SLC17A1: variants seen among roughly 807,000 people sequenced by gnomAD.
SLC17A1 encodes sodium-dependent phosphate transport protein 1.
Under a neutral mutation model 53.5 loss-of-function variants are expected in SLC17A1, and 51 were observed. That is an observed-to-expected ratio of 0.95 (90% CI 0.76 to 1.20). SLC17A1 has a LOEUF of 1.20. Ranked by LOEUF, SLC17A1 falls within the 50% of genes most tolerant of loss-of-function variation. The pLI, the probability that SLC17A1 is intolerant of heterozygous loss-of-function variation, is 0.00. For missense variants in SLC17A1, 538 were observed against 568.2 expected, an observed-to-expected ratio of 0.95 and a Z score of 0.54; for synonymous variants, 179 against 198.8, an observed-to-expected ratio of 0.90 and a Z score of 0.84.
At chr6:25,727,710 T>TAGAC in the SLC17A1 span, among the ~76,000 whole-genome samples, 1 of 151,888 alleles carries the variant, frequency 6.6e-6, no homozygotes, top group Non-Finnish European at 1.5e-5. Flanking sequence ...GGGCCGAGGG[T>TAGAC]AGACGAACTA....
At chr6:25,786,434 AAG>A (rs1412827021) in intron 12 of SLC17A1, among the ~76,000 whole-genome samples, 1 of 152,154 alleles carries the variant, frequency 6.6e-6, no homozygotes, top group African/African-American at 2.4e-5. Flanking sequence ...TGAAGTGGAC[AAG>A]ACCTCTCCAT....
intron 3 of SLC17A1, among the ~76,000 whole-genome samples, chr6:25,820,231 A>G (rs1764506256): frequency 6.6e-6 from 1 of 152,222 alleles, no homozygotes; most frequent in Non-Finnish European, 1.5e-5. Context: ...CCTCCTGTGT[A>G]GCATACATAC....
At chr6:25,808,827 A>G (rs552286465) in intron 10 of SLC17A1, among the ~76,000 whole-genome samples, 1 of 152,092 alleles carries the variant, frequency 6.6e-6, no homozygotes, top group Admixed American at 6.6e-5. Context: ...TACAACCTCT[A>G]TGGAAAACAG....
At chr6:25,739,214 C>G in the SLC17A1 span, among the ~76,000 whole-genome samples, 2 of 152,182 alleles carry the variant, frequency 1.3e-5, no homozygotes, top group Non-Finnish European at 2.9e-5. Context: ...GGGAACTCTT[C>G]TTGGTTTGTG....
At chr6:25,769,318 A>AT in the SLC17A1 span, 3 of 875,584 alleles carry the variant, frequency 3.4e-6, no homozygotes, top group East Asian at 2.7e-5. Context: ...GGAATGGCAC[A>AT]AGTACCTAAG....
rs72542431 is a variant in SLC17A1, at chr6:25,831,055, CT to C, written c.-50-449del. On this transcript the variant is annotated intron_variant, in intron 1 of 12. Transcript: ENST00000244527. ...GGTAAAACAAATTCCTTTTTTCCCC[CT>C]GTATCTTAATAGAGCTGGAAGATAC... Among the ~76,000 whole-genome samples, 897 of 152,194 alleles carry C rather than the reference CT, an allele frequency of 5.9e-3. 8 individuals are homozygous for C. Among genetic ancestry groups the C allele is most frequent in the African/African-American group, 0.021 (864 of 41,520 alleles).
intron 12 of SLC17A1, 197 bp downstream of exon 12, chr6:25,798,586 A>T (rs1311254071): frequency 2.4e-6 from 1 of 423,648 alleles, no homozygotes; most frequent in Non-Finnish European, 4.0e-6. Context: ...CAGCCTCCCA[A>T]ATTTATATCT....
chr6:25,758,728 T>C, the SLC17A1 span, among the ~76,000 whole-genome samples: 1 of 88,320 alleles, frequency 1.1e-5, no homozygotes, highest in Non-Finnish European at 2.6e-5. Context: ...TTATTTATCT[T>C]TTCAAAGAAC....
chr6:25,784,428 G>T (rs1161699272), intron 12 of SLC17A1, among the ~76,000 whole-genome samples: 1 of 152,144 alleles, frequency 6.6e-6, no homozygotes, highest in African/African-American at 2.4e-5. Flanking sequence ...AATCATGGCA[G>T]AAGGTGAAAG....
At chr6:25,805,140 A>G (rs1399219106) in intron 10 of SLC17A1, among the ~76,000 whole-genome samples, 1 of 152,100 alleles carries the variant, frequency 6.6e-6, no homozygotes, top group Non-Finnish European at 1.5e-5. Context: ...GGCCACAAAA[A>G]AGTCTCAACA....
chr6:25,807,352 G>A (rs1367807206), intron 10 of SLC17A1, among the ~76,000 whole-genome samples: 1 of 152,128 alleles, frequency 6.6e-6, no homozygotes, highest in East Asian at 1.9e-4. Context: ...ATACCACTCA[G>A]CCATTAAAAA....
At chr6:25,800,738 G>A in intron 11 of SLC17A1, 152 bp downstream of exon 11, 1 of 587,930 alleles carries the variant, frequency 1.7e-6, no homozygotes, top group Non-Finnish European at 3.1e-6. Flanking sequence ...TAGATTTGGA[G>A]AGATGCCTGA....
the SLC17A1 span, chr6:25,754,553 C>A: frequency 6.6e-6 from 1 of 152,186 alleles, no homozygotes; most frequent in Admixed American, 6.5e-5. Context: ...TAGGTGACCT[C>A]AGCTGGGCTT....
At chr6:25,806,033 C>T (rs1763941566) in intron 10 of SLC17A1, among the ~76,000 whole-genome samples, 1 of 152,032 alleles carries the variant, frequency 6.6e-6, no homozygotes, top group Non-Finnish European at 1.5e-5. Context: ...TCTATGAAGC[C>T]AGTATCACCC....
At chr6:25,734,944 C>T in the SLC17A1 span, among the ~76,000 whole-genome samples, 1 of 152,106 alleles carries the variant, frequency 6.6e-6, no homozygotes, top group East Asian at 1.9e-4. Flanking sequence ...AGGGCAATGC[C>T]CCACAATTAA....
Position 25,798,902 on chromosome 6 carries a change from C to T in SLC17A1, c.1287G>A (p.Trp429Ter), listed in dbSNP as rs778242278. The T allele has an allele frequency of 4.4e-6, 7 of 1,590,172 alleles. 1 individual carries two copies. In the South Asian group the frequency reaches 8.0e-5, roughly 18 times the overall value. The change falls in exon 12 of 13, where the codon TGG becomes TGA. Residue 429 changes from tryptophan to a stop codon, truncating the protein, a stop_gained. Transcript: ENST00000244527. LOFTEE classifies it high-confidence loss of function. ...CTGCCATCAGGATGAAGGTTTTAAA[C>T]CAGGCGGATTCCGGATCCTAAGGAA... ...LILKQDPESA[W>*]FKTFILMAAI...
rs1764750785 is a variant in SLC17A1, at chr6:25,826,589, G to T, written c.79C>A (p.His27Asn). The T allele has an allele frequency of 6.2e-7, 1 of 1,601,722 alleles. No individual in the cohort carries two copies. Among genetic ancestry groups the T allele is most frequent in the Non-Finnish European group, 8.5e-7 (1 of 1,173,326 alleles). ...SFRYGLSFLV[H>N]CCNVIITAQR... ...GCTGTTATTATAACATTACAACAGT[G>T]CACAAGGAAAGACAATCCATAGCGA... Residue 27 changes from histidine (H) to asparagine (N), a missense_variant, in exon 3 of 13, where the codon CAC (histidine) becomes AAC (asparagine). By Grantham distance (68) the His-to-Asn change is moderately conservative (BLOSUM62 1). Transcript: ENST00000244527.
intron 6 of SLC17A1, among the ~76,000 whole-genome samples, chr6:25,815,044 T>G (rs527901303): frequency 2.7e-5 from 4 of 148,018 alleles, no homozygotes; most frequent in African/African-American, 1.0e-4. Flanking sequence ...GAATGAAATA[T>G]CTAAGAACTG....
intron 10 of SLC17A1, among the ~76,000 whole-genome samples, chr6:25,809,326 C>A (rs958403757): frequency 6.6e-6 from 1 of 151,822 alleles, no homozygotes; most frequent in Admixed American, 6.6e-5. Flanking sequence ...CCCTAAAAAC[C>A]CAAACTTCAC....
Sources: allele counts gnomAD v4.1 joint callset (sites outside exome capture counted in the v4.1 genomes callset), GRCh38; gene constraint gnomAD v4.1.1; transcripts MANE v1.5; gene names NCBI Gene and HGNC (gene_info 2026-07-23, HGNC 2026-07-21).